The following ZNF333 variants were observed in gnomAD, a reference collection of about 807,000 sequenced individuals.
ZNF333 encodes the protein zinc finger protein 333.
ZNF333 carries 61 observed loss-of-function variants against 76.1 expected under a neutral mutation model. The ratio of observed to expected loss-of-function variants is 0.80; its 90% CI spans 0.65 to 0.99. The LOEUF (loss-of-function observed/expected upper bound fraction) is 0.99, where lower values mean the gene tolerates loss of function less well. Among genes scored for constraint, ZNF333 ranks in the 50% least tolerant of loss-of-function variants. The pLI, the probability that ZNF333 is intolerant of heterozygous loss-of-function variation, is 0.00. For missense variants in ZNF333, 717 were observed against 822.4 expected (o/e 0.87, Z 1.57); for synonymous variants, 284 against 305.0 (o/e 0.93, Z 0.72).
downstream of ZNF333, chr19:14,721,908 A>G (rs1234214008): frequency 1.3e-5 from 2 of 152,244 alleles, no homozygotes; most frequent in African/African-American, 2.4e-5. Context: ...CATACTGTGG[A>G]CATAGGTATT....
chr19:14,726,323 C>A (rs972038600), downstream of ZNF333, among the ~76,000 whole-genome samples: 1 of 152,290 alleles, frequency 6.6e-6, no homozygotes, highest in Admixed American at 6.5e-5. Context: ...GAGAGGTGGC[C>A]TGGAAGATCC....
chr19:14,718,116 T>C (rs2042489163), intron 11 of ZNF333, 112 bp from the exon 12 acceptor site: 14 of 1,407,868 alleles, frequency 9.9e-6, no homozygotes, highest in Non-Finnish European at 1.3e-5. Flanking sequence ...ACTCCATAAA[T>C]GGTAAAAGTA....
chr19:14,691,452 A>G (rs896269093), intron 1 of ZNF333, among the ~76,000 whole-genome samples: 23 of 152,208 alleles, frequency 1.5e-4, no homozygotes, highest in African/African-American at 5.5e-4. Context: ...GCTCGTGTCT[A>G]CTGAGAAATC....
At chr19:14,724,084 T>C (rs2042619201), downstream of ZNF333, among the ~76,000 whole-genome samples, 1 of 152,146 alleles carries the variant, frequency 6.6e-6, no homozygotes, top group Non-Finnish European at 1.5e-5. Flanking sequence ...CATCTTTTGG[T>C]GTACTGCCTT....
chr19:14,713,790 C>T (rs1386746605), intron 7 of ZNF333, among the ~76,000 whole-genome samples: 2 of 151,624 alleles, frequency 1.3e-5, no homozygotes, highest in African/African-American at 4.8e-5. Flanking sequence ...AGACCCCCAT[C>T]TCTAAAAAAA....
At chr19:14,701,885 G>T in intron 5 of ZNF333, 2 of 985,594 alleles carry the variant, frequency 2.0e-6, no homozygotes, top group Non-Finnish European at 1.2e-6. Context: ...CATCCAGCCC[G>T]TGAGTAGTAG....
rs767502126 is a variant in ZNF333 at position 14,717,664 on chromosome 19, G to A, written c.831G>A (p.Gln277=). The A allele has an allele frequency of 6.2e-7, 1 of 1,613,972 alleles. No individual in the cohort carries two copies. The highest frequency in any genetic ancestry group is 2.2e-5 in the East Asian group (1 of 44,874). Residue 277 remains glutamine (Q), a synonymous_variant, in exon 11 of 12, where the codon CAG becomes CAA. Transcript: ENST00000292530. The part of the protein sequence containing the change: ...GVLSDTCAEP[Q]CQPQEAIPSQ... ...TTCCCTAATTCATTTCAGAACCTCAGTGTCAACCCCAAGAGGCAATTCCTA... is the reference window on the plus strand; with the variant it reads ...TTCCCTAATTCATTTCAGAACCTCAATGTCAACCCCAAGAGGCAATTCCTA...
exon 12 of ZNF333, chr19:14,732,756 T>C (rs965826800): frequency 6.6e-6 from 1 of 152,238 alleles, no homozygotes; most frequent in Non-Finnish European, 1.5e-5. Context: ...CATTTATGAT[T>C]GTCTATAGCT....
At chr19:14,718,158 A>T in intron 11 of ZNF333, 70 bp from the exon 12 acceptor site, 1 of 1,527,100 alleles carries the variant, frequency 6.5e-7, no homozygotes, top group Non-Finnish European at 8.7e-7. Flanking sequence ...TCTTACATTC[A>T]TTTCACATAG....
intron 7 of ZNF333, chr19:14,708,726 C>T: frequency 4.4e-6 from 1 of 225,454 alleles, no homozygotes; most frequent in Non-Finnish European, 8.6e-6. Flanking sequence ...TATCAAAGTT[C>T]CACCAGCTGG....
At chr19:14,697,898 T>C (rs1034787600) in intron 4 of ZNF333, among the ~76,000 whole-genome samples, 2 of 152,198 alleles carry the variant, frequency 1.3e-5, no homozygotes, top group African/African-American at 4.8e-5. Context: ...TTTATGTATG[T>C]TCTTTGTCTA....
intron 10 of ZNF333, 148 bp downstream of exon 10, chr19:14,717,237 CT>C: frequency 4.9e-6 from 3 of 608,764 alleles, no homozygotes; most frequent in Admixed American, 3.3e-5. Context: ...ACCTTCTTTC[CT>C]TTTTCCCTTT....
intron 5 of ZNF333, 55 bp downstream of exon 5, chr19:14,699,336 G>C: frequency 6.7e-7 from 1 of 1,490,550 alleles, no homozygotes; most frequent in South Asian, 1.1e-5. Flanking sequence ...TGAGGAACAC[G>C]TGAGGTGGAA....
chr19:14,717,820 A>C, intron 11 of ZNF333, 87 bp downstream of exon 11: 1 of 1,363,412 alleles, frequency 7.3e-7, no homozygotes, highest in Non-Finnish European at 1.0e-6. Context: ...CCCAAGAGCC[A>C]AGAGCGATTC....
At chr19:14,704,713 C>T (rs964027926) in intron 5 of ZNF333, among the ~76,000 whole-genome samples, 6 of 152,248 alleles carry the variant, frequency 3.9e-5, no homozygotes, top group South Asian at 2.1e-4. Context: ...CTCATTATCA[C>T]GAGAACAATC....
chr19:14,707,930 G>A (rs1467147785), intron 7 of ZNF333: 1 of 400,884 alleles, frequency 2.5e-6, no homozygotes, highest in African/African-American at 2.1e-5. Flanking sequence ...ACAATTCTTA[G>A]ATCTAAGTCT....
intron 8 of ZNF333, 115 bp from the exon 9 acceptor site, chr19:14,715,997 T>C (rs1315400725): frequency 1.3e-6 from 2 of 1,528,248 alleles, no homozygotes. Context: ...CTCAGAACCC[T>C]GTCTGAAAGT....
At chr19:14,695,494 T>C in intron 3 of ZNF333, 72 bp from the exon 4 acceptor site, 1 of 1,422,752 alleles carries the variant, frequency 7.0e-7, no homozygotes, top group East Asian at 2.3e-5. Flanking sequence ...AGAGTTTGAG[T>C]TGAGAAACAA....
At chr19:14,697,970 G>A (rs2146958244) in intron 4 of ZNF333, among the ~76,000 whole-genome samples, 1 of 152,172 alleles carries the variant, frequency 6.6e-6, no homozygotes, top group East Asian at 1.9e-4. Flanking sequence ...AGTCCTCATA[G>A]AATTCTTAGC....
Sources: allele counts gnomAD v4.1 joint callset (sites outside exome capture counted in the v4.1 genomes callset), GRCh38; gene constraint gnomAD v4.1.1; transcripts MANE v1.5; gene names NCBI Gene and HGNC (gene_info 2026-07-23, HGNC 2026-07-21).